LGR6: variants seen among roughly 807,000 people sequenced by gnomAD.
LGR6 encodes leucine rich repeat containing G protein-coupled receptor 6.
LGR6 carries 45 observed loss-of-function variants against 69.4 expected under a neutral mutation model. That is an observed-to-expected ratio of 0.65 (90% CI 0.51 to 0.83). The LOEUF (loss-of-function observed/expected upper bound fraction) is 0.83, where lower values mean the gene tolerates loss of function less well. LGR6 is among the 40% of genes least tolerant of loss of function. The pLI is 0.00. For missense variants in LGR6, 1,108 were observed against 1,246.7 expected, an observed-to-expected ratio of 0.89 and a Z score of 1.68; for synonymous variants, 538 against 555.0, an observed-to-expected ratio of 0.97 and a Z score of 0.43.
intron 4 of LGR6, among the ~76,000 whole-genome samples, chr1:202,251,728 C>A (rs1176129863): frequency 6.6e-6 from 1 of 152,226 alleles, no homozygotes; most frequent in African/African-American, 2.4e-5. Flanking sequence ...CCCCTGGCCC[C>A]CACTAGCCTG....
At chr1:202,284,631 G>A (rs1482307322) in intron 6 of LGR6, among the ~76,000 whole-genome samples, 1 of 152,194 alleles carries the variant, frequency 6.6e-6, no homozygotes, top group East Asian at 1.9e-4. Flanking sequence ...CTCAGGACCT[G>A]AAACCCTAGG....
At chr1:202,235,410 G>A (rs1011055350) in intron 3 of LGR6, among the ~76,000 whole-genome samples, 2 of 152,118 alleles carry the variant, frequency 1.3e-5, no homozygotes, top group East Asian at 1.9e-4. Context: ...GGAGTACTTC[G>A]AATTGTTCCT....
chr1:202,302,401 T>A (rs1361837626), intron 9 of LGR6, among the ~76,000 whole-genome samples: 1 of 152,086 alleles, frequency 6.6e-6, no homozygotes, highest in Non-Finnish European at 1.5e-5. Context: ...CCACGCTGCC[T>A]CCTCAGGGCT....
chr1:202,295,170 A>T (rs1485367959), intron 6 of LGR6, among the ~76,000 whole-genome samples: 1 of 151,978 alleles, frequency 6.6e-6, no homozygotes, highest in Non-Finnish European at 1.5e-5. Context: ...TCTACTAAAA[A>T]TACAAATATT....
intron 5 of LGR6, among the ~76,000 whole-genome samples, chr1:202,276,930 A>T (rs577957161): frequency 6.6e-6 from 1 of 152,220 alleles, no homozygotes; most frequent in African/African-American, 2.4e-5. Flanking sequence ...GGATAAATTC[A>T]TCTCATTTCC....
chr1:202,213,802 C>T (rs1471664753), intron 1 of LGR6, among the ~76,000 whole-genome samples: 10 of 152,132 alleles, frequency 6.6e-5, no homozygotes, highest in Non-Finnish European at 1.5e-4. Context: ...CAAACAACTG[C>T]TAAGTGTTAG....
chr1:202,308,359 G>A (rs1315882669), intron 14 of LGR6, among the ~76,000 whole-genome samples: 4 of 152,170 alleles, frequency 2.6e-5, no homozygotes, highest in African/African-American at 9.7e-5. Context: ...CAGATTTGTG[G>A]CTCCCCTTGG....
intron 1 of LGR6, among the ~76,000 whole-genome samples, chr1:202,221,127 C>T (rs1174375741): frequency 6.6e-6 from 1 of 151,952 alleles, no homozygotes; most frequent in Non-Finnish European, 1.5e-5. Context: ...GCACAGTTCC[C>T]CCAGGTCCAC....
Position 202,226,829 on chromosome 1 carries a change from G to C in LGR6, c.285-1107G>C, listed in dbSNP as rs1423697640. Reference sequence around the variant, plus strand: ...CAGGAAAGCCTTCCTGGAGGAAGAAGATTAAACCAGTTTTCAAAGGAGACG... The same window carrying C: ...CAGGAAAGCCTTCCTGGAGGAAGAACATTAAACCAGTTTTCAAAGGAGACG... On this transcript the variant is annotated intron_variant, in intron 2 of 17. Coordinates refer to ENST00000367278, the MANE Select transcript of LGR6 (RefSeq NM_001017403.2). Among the ~76,000 whole-genome samples the C allele has an allele frequency of 2.0e-5, 3 of 152,194 alleles. No homozygotes were observed. In the South Asian group the frequency reaches 6.2e-4, roughly 32 times the overall value.
chr1:202,313,550 C>T (rs1359547802), intron 16 of LGR6, among the ~76,000 whole-genome samples: 2 of 152,178 alleles, frequency 1.3e-5, no homozygotes, highest in African/African-American at 4.8e-5. Flanking sequence ...TTCAATGAGC[C>T]TCAGTCTCCT....
At chr1:202,194,323 G>T in intron 1 of LGR6, 122 bp downstream of exon 1, 1 of 660,110 alleles carries the variant, frequency 1.5e-6, no homozygotes, top group South Asian at 2.1e-5. Flanking sequence ...GAGAGGGTTT[G>T]CCCCCTTCCA....
chr1:202,215,025 G>C (rs973112453), intron 1 of LGR6, among the ~76,000 whole-genome samples: 13 of 151,290 alleles, frequency 8.6e-5, no homozygotes, highest in African/African-American at 1.5e-4. Flanking sequence ...GTGTGTGCGC[G>C]CGCGCGCGTT....
At chr1:202,194,703 G>GCC (rs55895621) in intron 1 of LGR6, 2,077 of 161,004 alleles carry the variant, frequency 0.013, 86 homozygotes, top group Middle Eastern at 0.028. Flanking sequence ...CCTTCGTGGG[G>GCC]GCGGGGGGGG....
chr1:202,319,419 CA>C lies in LGR6; in HGVS notation c.*213del. On this transcript the variant is annotated 3_prime_UTR_variant, in exon 18 of 18. Transcript: ENST00000367278. ...GCTTTCCCTTGGCCTTCCTCAGCTT[CA>C]CCTTGATACTGGGCCTCTTCCTTGT... The C allele has an allele frequency of 1.9e-6, 1 of 539,676 alleles. No homozygotes were observed. Among genetic ancestry groups the C allele is most frequent in the Non-Finnish European group, 3.2e-6 (1 of 310,884 alleles). 33.4% of individuals were successfully genotyped at this position (539,676 alleles called of 1,614,324 possible).
chr1:202,298,111 A>G (rs1451296343), intron 7 of LGR6, among the ~76,000 whole-genome samples: 2 of 152,224 alleles, frequency 1.3e-5, no homozygotes, highest in Admixed American at 1.3e-4. Context: ...GCCCTCCCCA[A>G]GCATCCTTCA....
At chr1:202,289,986 A>G (rs910027130) in intron 6 of LGR6, among the ~76,000 whole-genome samples, 1 of 152,248 alleles carries the variant, frequency 6.6e-6, no homozygotes, top group African/African-American at 2.4e-5. Flanking sequence ...TGGAAACCCA[A>G]TTAATGATAT....
At chr1:202,236,281 C>T (rs1405522052) in intron 4 of LGR6, 4 of 436,488 alleles carry the variant, frequency 9.2e-6, no homozygotes, top group South Asian at 3.1e-5. Flanking sequence ...GCCAGCGGTC[C>T]TGGGGCGACT....
intron 6 of LGR6, among the ~76,000 whole-genome samples, chr1:202,291,928 T>G (rs1004920039): frequency 3.9e-5 from 6 of 151,940 alleles, no homozygotes; most frequent in Non-Finnish European, 8.8e-5. Flanking sequence ...TCCAAGAGAG[T>G]GAGTGAATCA....
At chr1:202,207,803 T>C (rs2147909028) in intron 1 of LGR6, among the ~76,000 whole-genome samples, 1 of 152,324 alleles carries the variant, frequency 6.6e-6, no homozygotes, top group East Asian at 1.9e-4. Flanking sequence ...TAGAACGGCG[T>C]CTGGCACACA....
Sources: gnomAD v4.1 joint callset for allele counts (sites outside exome capture counted in the v4.1 genomes callset) on GRCh38, gnomAD v4.1.1 for gene constraint, MANE v1.5 for transcripts, NCBI Gene and HGNC (gene_info 2026-07-23, HGNC 2026-07-21) for gene names.